Variants in CHMP5 observed in about 807,000 individuals in gnomAD.
CHMP5 encodes the protein charged multivesicular body protein 5, also known as SNF7 domain containing 2.
In CHMP5, 17 loss-of-function variants were observed where a neutral mutation model predicts 33.0. The ratio of observed to expected loss-of-function variants is 0.52; its 90% CI spans 0.35 to 0.77. The LOEUF (loss-of-function observed/expected upper bound fraction) is 0.77, where lower values mean the gene tolerates loss of function less well. Among genes scored for constraint, CHMP5 ranks in the 30% least tolerant of loss-of-function variants. CHMP5 has a pLI of 0.01. For synonymous variants in CHMP5, 76 were observed against 90.2 expected (o/e 0.84, Z 0.89); for missense variants, 216 against 261.5 (o/e 0.83, Z 1.20).
At chr9:33,277,190 C>CAAAAAAA (rs59657807) in intron 6 of CHMP5, among the ~76,000 whole-genome samples, 9 of 53,370 alleles carry the variant, frequency 1.7e-4, no homozygotes, top group African/African-American at 3.1e-4. Context: ...GACCTTCTCT[C>CAAAAAAA]AAAAAAAAAA....
rs755134968 is a variant in CHMP5, at chr9:33,278,120, T to G, written c.504T>G (p.Asp168Glu). 2.5e-6 allele frequency: 4 copies of G among 1,604,046 alleles called. No homozygotes were observed. Among genetic ancestry groups the G allele is most frequent in the Middle Eastern group, 1.9e-4 (1 of 5,254 alleles). The change falls in exon 7 of 8, where the codon GAT becomes GAG. Residue 168 changes from aspartate (D) to glutamate (E), a missense_variant. By Grantham distance (45) the Asp-to-Glu change is conservative. Coordinates refer to ENST00000223500, the MANE Select transcript of CHMP5 (RefSeq NM_016410.6). ...LDEDDLEAEL[D>E]ALGDELLADE... is the part of the protein sequence containing the mutation. ...TGACTGTTTCAATCTCAGAGTTGGA[T>G]GCACTAGGTGATGAGCTTCTGGCTG...
At chr9:33,269,236 G>T (rs1421472604) in intron 3 of CHMP5, among the ~76,000 whole-genome samples, 2 of 152,196 alleles carry the variant, frequency 1.3e-5, no homozygotes, top group Non-Finnish European at 2.9e-5. Context: ...TGGGCACAGT[G>T]GCTCACACCT....
chr9:33,272,931 C>G (rs954239730), intron 5 of CHMP5, among the ~76,000 whole-genome samples: 3 of 152,164 alleles, frequency 2.0e-5, no homozygotes, highest in African/African-American at 7.2e-5. Context: ...GTGATACTCT[C>G]TAAGAGCTTC....
At chr9:33,275,107 T>C (rs997499536) in intron 5 of CHMP5, among the ~76,000 whole-genome samples, 5 of 152,202 alleles carry the variant, frequency 3.3e-5, no homozygotes, top group African/African-American at 9.6e-5. Context: ...AGTTTACCCT[T>C]GAACAGCAAA....
chr9:33,267,750 A>G, intron 2 of CHMP5, 103 bp from the exon 3 acceptor site: 1 of 740,144 alleles, frequency 1.4e-6, no homozygotes, highest in Non-Finnish European at 2.4e-6. Flanking sequence ...TACTACTTTG[A>G]AGAAGAGAGG....
intron 3 of CHMP5, among the ~76,000 whole-genome samples, chr9:33,269,031 C>T (rs1820761797): frequency 6.6e-6 from 1 of 152,132 alleles, no homozygotes; most frequent in East Asian, 1.9e-4. Flanking sequence ...TTGCTTGCAC[C>T]ATGAACGGAC....
chr9:33,270,394 C>T (rs913782008), intron 3 of CHMP5, among the ~76,000 whole-genome samples: 4 of 152,152 alleles, frequency 2.6e-5, no homozygotes, highest in South Asian at 2.1e-4. Context: ...CATTGTTAAG[C>T]GATGCATGAC....
At chr9:33,265,607 T>G (rs1483740639) in intron 1 of CHMP5, among the ~76,000 whole-genome samples, 2 of 152,198 alleles carry the variant, frequency 1.3e-5, no homozygotes, top group Non-Finnish European at 2.9e-5. Context: ...CCCCTCAGAT[T>G]AAGCCACCAT....
intron 7 of CHMP5, among the ~76,000 whole-genome samples, chr9:33,279,956 A>ATATATGG (rs1216011285): frequency 3.4e-5 from 5 of 148,982 alleles, no homozygotes; most frequent in African/African-American, 1.2e-4. Flanking sequence ...TATGCTGTGG[A>ATATATGG]TATATGGGGG....
chr9:33,280,735 T>C, intron 7 of CHMP5, 74 bp from the exon 8 acceptor site: 1 of 1,381,624 alleles, frequency 7.2e-7, no homozygotes, highest in Non-Finnish European at 1.0e-6. Context: ...GTTTTAACTA[T>C]TAAATGTTTG....
chr9:33,265,863 T>C, intron 1 of CHMP5, 147 bp from the exon 2 acceptor site: 1 of 512,746 alleles, frequency 2.0e-6, no homozygotes, highest in Non-Finnish European at 3.6e-6. Context: ...GGTTTCTGGT[T>C]GGGAATACCC....
At chr9:33,269,602 T>C (rs1321553426) in intron 3 of CHMP5, among the ~76,000 whole-genome samples, 1 of 152,218 alleles carries the variant, frequency 6.6e-6, no homozygotes, top group Non-Finnish European at 1.5e-5. Context: ...ATGAAGAGCC[T>C]TAAAAATAGT....
At chr9:33,266,233 G>C in intron 2 of CHMP5, 119 bp downstream of exon 2, 1 of 562,764 alleles carries the variant, frequency 1.8e-6, no homozygotes, top group South Asian at 1.9e-5. Context: ...AGCACTTTGG[G>C]AGGCTGAGGC....
rs548002937 is a variant in CHMP5 at position 33,266,609 on chromosome 9, G to T, written c.174+495G>T. ...GTTTGCAATCAAATATGGAAGGGAGGCTGGGGATTGATCTGGTGGAAAGAG... is the reference window on the plus strand; with the variant it reads ...GTTTGCAATCAAATATGGAAGGGAGTCTGGGGATTGATCTGGTGGAAAGAG... On this transcript the variant is annotated intron_variant, in intron 2 of 7. Transcript: ENST00000223500. Among the ~76,000 whole-genome samples, 4 of 152,292 alleles carry T rather than the reference G, an allele frequency of 2.6e-5. 1 individual carries two copies. The highest frequency in any genetic ancestry group is 4.8e-5 in the African/African-American group (2 of 41,542).
Position 33,270,671 on chromosome 9 carries a change from A to T in CHMP5, c.270A>T (p.Glu90Asp). The T allele has an allele frequency of 6.2e-7, 1 of 1,614,220 alleles. No homozygotes were observed. The change falls in exon 4 of 8, where the codon GAA (glutamate) becomes GAT (aspartate). Residue 90 changes from glutamate to aspartate, a missense_variant. Physicochemically the swap from Glu to Asp is conservative, Grantham distance 45 (BLOSUM62 2). Coordinates refer to ENST00000223500, the MANE Select transcript of CHMP5 (RefSeq NM_016410.6). ...TTGCCCAACAGTCATTCAACATGGA[A>T]CAAGCCAATTATACCATCCAGTCTT... Reference protein sequence around the residue: ...DNLAQQSFNMEQANYTIQSLK... With the variant: ...DNLAQQSFNMDQANYTIQSLK...
intron 1 of CHMP5, 34 bp from the exon 2 acceptor site, chr9:33,265,976 G>A: frequency 7.2e-7 from 1 of 1,391,454 alleles, no homozygotes; most frequent in Non-Finnish European, 1.0e-6. Context: ...GTGTATTGCA[G>A]TAACTACCAG....
intron 3 of CHMP5, among the ~76,000 whole-genome samples, chr9:33,268,481 T>G (rs1376667700): frequency 6.6e-6 from 1 of 152,232 alleles, no homozygotes; most frequent in African/African-American, 2.4e-5. Flanking sequence ...TGAGATCCTC[T>G]GCAGGGTTAT....
chr9:33,265,223 C>T, intron 1 of CHMP5, 76 bp downstream of exon 1: 2 of 1,428,032 alleles, frequency 1.4e-6, no homozygotes, highest in South Asian at 2.3e-5. Context: ...GCCCCGGGCC[C>T]ATATTCTTCC....
intron 7 of CHMP5, 124 bp from the exon 8 acceptor site, chr9:33,280,685 C>A: frequency 1.3e-6 from 1 of 793,294 alleles, no homozygotes. Flanking sequence ...CATCTTATGA[C>A]TGCGATTTTG....
Sources: gnomAD v4.1 joint callset for allele counts (sites outside exome capture counted in the v4.1 genomes callset) on GRCh38, gnomAD v4.1.1 for gene constraint, MANE v1.5 for transcripts, NCBI Gene and HGNC (gene_info 2026-07-23, HGNC 2026-07-21) for gene names.